FER: variants seen among roughly 807,000 people sequenced by gnomAD.
FER encodes tyrosine-protein kinase Fer.
Under a neutral mutation model 111.0 loss-of-function variants are expected in FER, and 63 were observed. The ratio of observed to expected loss-of-function variants is 0.57; its 90% CI spans 0.46 to 0.70. The LOEUF (loss-of-function observed/expected upper bound fraction) is 0.70. Ranked by LOEUF, FER falls within the 30% of genes least tolerant of loss-of-function variation. The pLI, the probability that FER is intolerant of heterozygous loss-of-function variation, is 0.00. For synonymous variants in FER, 327 were observed against 313.9 expected, an observed-to-expected ratio of 1.04 and a Z score of -0.44; for missense variants, 914 against 954.0, an observed-to-expected ratio of 0.96 and a Z score of 0.55.
chr5:108,760,044 T>C (rs1051373723), intron 1 of FER, among the ~76,000 whole-genome samples: 1 of 152,178 alleles, frequency 6.6e-6, no homozygotes, highest in Non-Finnish European at 1.5e-5. Context: ...TATGGCAGAA[T>C]GGATGTTGCG....
At chr5:108,810,020 A>T (rs1757583522) in intron 3 of FER, among the ~76,000 whole-genome samples, 2 of 152,042 alleles carry the variant, frequency 1.3e-5, no homozygotes. Context: ...AGGTGCTGGC[A>T]CTTCTAATTT....
intron 10 of FER, chr5:108,924,537 A>T (rs1348131847): frequency 1.8e-6 from 2 of 1,093,428 alleles, no homozygotes; most frequent in Non-Finnish European, 2.3e-6. Flanking sequence ...AGGGGGAGAT[A>T]GTATGAAATA....
chr5:108,847,366 C>G (rs554442521), intron 5 of FER, among the ~76,000 whole-genome samples: 1 of 151,692 alleles, frequency 6.6e-6, no homozygotes, highest in African/African-American at 2.4e-5. Flanking sequence ...TCGTTGTGGT[C>G]TGAGAATGTT....
At chr5:108,947,079 G>T (rs1187016004) in intron 11 of FER, among the ~76,000 whole-genome samples, 1 of 151,832 alleles carries the variant, frequency 6.6e-6, no homozygotes, top group Non-Finnish European at 1.5e-5. Context: ...ACCACATATT[G>T]TCTATCTATT....
chr5:109,056,506 T>TA (rs141276707), intron 16 of FER, among the ~76,000 whole-genome samples: 13 of 151,672 alleles, frequency 8.6e-5, no homozygotes, highest in Admixed American at 4.6e-4. Flanking sequence ...TATGGAATCT[T>TA]AAAAAAAAGT....
intron 11 of FER, among the ~76,000 whole-genome samples, chr5:108,948,854 A>T (rs1335546575): frequency 6.6e-6 from 1 of 152,118 alleles, no homozygotes; most frequent in African/African-American, 2.4e-5. Flanking sequence ...GCAGTCTTTG[A>T]AAAATATTCT....
intron 17 of FER, among the ~76,000 whole-genome samples, chr5:109,151,003 C>T (rs1291097619): frequency 2.6e-5 from 4 of 151,908 alleles, no homozygotes; most frequent in Non-Finnish European, 4.4e-5. Flanking sequence ...GAAATATAGA[C>T]CAAGTATTTT....
intron 3 of FER, among the ~76,000 whole-genome samples, chr5:108,812,906 A>C (rs1409682285): frequency 7.0e-6 from 1 of 142,764 alleles, no homozygotes; most frequent in Non-Finnish European, 1.6e-5. Flanking sequence ...ATTATATGTG[A>C]GTTATAAATC....
At chr5:108,953,438 T>C (rs1758021829) in intron 11 of FER, among the ~76,000 whole-genome samples, 1 of 152,064 alleles carries the variant, frequency 6.6e-6, no homozygotes, top group Admixed American at 6.6e-5. Context: ...GTTTAAAATG[T>C]TATTTAATAC....
intron 16 of FER, among the ~76,000 whole-genome samples, chr5:109,077,999 G>T (rs1030678363): frequency 1.3e-5 from 2 of 152,072 alleles, no homozygotes; most frequent in Middle Eastern, 3.2e-3. Flanking sequence ...GATCAAAAAA[G>T]TTTTTGAAAT....
intron 5 of FER, among the ~76,000 whole-genome samples, chr5:108,837,554 A>G (rs566750550): frequency 2.3e-4 from 35 of 152,270 alleles, no homozygotes; most frequent in African/African-American, 8.2e-4. Flanking sequence ...CAGCAACCAT[A>G]TTGTAATCCA....
chr5:109,008,017 C>T (rs1765719171), intron 13 of FER, among the ~76,000 whole-genome samples: 1 of 151,908 alleles, frequency 6.6e-6, no homozygotes, highest in Non-Finnish European at 1.5e-5. Context: ...TTTGTATTTC[C>T]CTAATGACTA....
intron 17 of FER, among the ~76,000 whole-genome samples, chr5:109,132,852 G>A (rs1752502789): frequency 6.6e-6 from 1 of 152,148 alleles, no homozygotes; most frequent in South Asian, 2.1e-4. Flanking sequence ...ATAGACTTCA[G>A]GCTCCTCTTA....
At chr5:108,985,800 G>T (rs1762505357) in intron 13 of FER, among the ~76,000 whole-genome samples, 1 of 152,090 alleles carries the variant, frequency 6.6e-6, no homozygotes, top group Admixed American at 6.6e-5. Flanking sequence ...GTGTTATATG[G>T]TATATATACA....
chr5:108,991,998 G>T (rs1763246442), intron 13 of FER, among the ~76,000 whole-genome samples: 1 of 152,082 alleles, frequency 6.6e-6, no homozygotes, highest in Non-Finnish European at 1.5e-5. Flanking sequence ...AAGGTCTCTG[G>T]TTTTCCTAGG....
Position 109,018,971 on chromosome 5 carries a change from T to A in FER, c.1657-18451T>A, listed in dbSNP as rs183840874. 4.6e-5 allele frequency among the ~76,000 whole-genome samples: 7 copies of A among 151,652 alleles called. No homozygotes were observed. The East Asian group carries it at 1.4e-3, about 29-fold the overall frequency. The stretch of plus-strand genomic sequence containing the variant: ...AATTCACTTAGGTAACAAAACAGAT[T>A]GAATTGTCAAAGCTGATTCATATGA... On this transcript the variant is annotated intron_variant, in intron 13 of 19. Coordinates refer to ENST00000281092, the MANE Select transcript of FER (RefSeq NM_005246.4).
chr5:109,000,602 G>A (rs1465032313), intron 13 of FER, among the ~76,000 whole-genome samples: 1 of 151,900 alleles, frequency 6.6e-6, no homozygotes, highest in Admixed American at 6.6e-5. Context: ...AACTAGAGAA[G>A]CAAGAGCAAA....
rs776497636 is a variant in FER, at chr5:108,973,793, A to G, written c.1656+14446A>G. On this transcript the variant is annotated intron_variant, in intron 13 of 19. Transcript: ENST00000281092. ...CTATAAGAGGTATGATTTTCTCACT[A>G]CTTTCTAGTAATGCTGTATTCTCTT... Among the ~76,000 whole-genome samples, 14 of 152,274 alleles carry G rather than the reference A, an allele frequency of 9.2e-5. No individual in the cohort carries two copies. The East Asian group carries it at 1.5e-3, about 17-fold the overall frequency.
chr5:108,907,885 C>T (rs1282485598), intron 10 of FER, among the ~76,000 whole-genome samples: 17 of 151,508 alleles, frequency 1.1e-4, no homozygotes, highest in African/African-American at 3.4e-4. Flanking sequence ...TGATTGACAC[C>T]CAAATGTACA....
Sources: allele counts gnomAD v4.1 joint callset (sites outside exome capture counted in the v4.1 genomes callset), GRCh38; gene constraint gnomAD v4.1.1; transcripts MANE v1.5; gene names NCBI Gene and HGNC (gene_info 2026-07-23, HGNC 2026-07-21).